Variants in INTS11 observed in about 807,000 individuals in gnomAD.
INTS11 encodes integrator complex subunit 11, also known as CPSF3-like protein.
Under a neutral mutation model 78.6 loss-of-function variants are expected in INTS11, and 77 were observed. The ratio of observed to expected loss-of-function variants is 0.98; its 90% CI spans 0.81 to 1.18. The LOEUF (loss-of-function observed/expected upper bound fraction) is 1.18. Among genes scored for constraint, INTS11 ranks in the 50% most tolerant of loss-of-function variants. The probability of loss-of-function intolerance (pLI) is 0.00; values close to 1 mark genes in which losing one functional copy is unlikely to be tolerated. For missense variants in INTS11, 875 were observed against 825.9 expected, an observed-to-expected ratio of 1.06 and a Z score of -0.73; for synonymous variants, 441 against 326.9, an observed-to-expected ratio of 1.35 and a Z score of -3.77.
chr1:1,314,922 T>G lies in INTS11; in HGVS notation c.604A>C (p.Thr202Pro). The G allele has an allele frequency of 6.2e-7, 1 of 1,612,990 alleles. No individual in the cohort carries two copies. The highest frequency in any genetic ancestry group is 2.2e-5 in the East Asian group (1 of 44,868). The change falls in exon 7 of 17, where the codon ACA (threonine) becomes CCA (proline). Residue 202 changes from threonine to proline, a missense_variant. Thr to Pro is a conservative substitution (Grantham distance 38, BLOSUM62 -1). Coordinates refer to ENST00000435064, the MANE Select transcript of INTS11 (RefSeq NM_017871.6). This position sits in a 1 kb window ranked among gnomAD's most constrained non-coding sequence, Gnocchi z 4.2. Reference protein sequence around the residue: ...IDKCRPNLLITESTYATTIRD... With the variant: ...IDKCRPNLLIPESTYATTIRD... ...ATGGTCGTGGCGTACGTGGACTCTG[T>G]GATGAGCAGGTTGGGGCGGCACTTG...
At chr1:1,323,214 GTC>G in intron 1 of INTS11, 1 of 1,550,344 alleles carries the variant, frequency 6.5e-7, no homozygotes. Flanking sequence ...CCGTCCTGGT[GTC>G]TGTGCTGGAA....
At chr1:1,321,639 C>T (rs1006117106) in intron 1 of INTS11, among the ~76,000 whole-genome samples, 1 of 152,232 alleles carries the variant, frequency 6.6e-6, no homozygotes, top group African/African-American at 2.4e-5. Context: ...GCCAGTGGTC[C>T]AGCAGTGGCC....
chr1:1,316,094 C>G, intron 4 of INTS11: 1 of 193,728 alleles, frequency 5.2e-6, no homozygotes. Context: ...CCAGCCTGGC[C>G]AACATGGTGA....
At chr1:1,323,034 G>A in intron 1 of INTS11, 1 of 1,414,728 alleles carries the variant, frequency 7.1e-7, no homozygotes, top group Non-Finnish European at 9.3e-7. Flanking sequence ...CAGGCTGGGA[G>A]GACCCCACGG....
chr1:1,321,898 T>TACCA, intron 1 of INTS11: 2 of 1,141,992 alleles, frequency 1.8e-6, no homozygotes, highest in Non-Finnish European at 2.3e-6. Context: ...TCCCCTTGAA[T>TACCA]CCCACCCACC....
At chr1:1,313,990 G>T in intron 8 of INTS11, 69 bp from the exon 9 acceptor site, 1 of 1,511,310 alleles carries the variant, frequency 6.6e-7, no homozygotes, top group Non-Finnish European at 9.1e-7. Context: ...ACTCGGCCGG[G>T]TCACCCCCAA....
At chr1:1,319,170 A>T in intron 4 of INTS11, 126 bp downstream of exon 4, 1 of 897,586 alleles carries the variant, frequency 1.1e-6, no homozygotes, top group Non-Finnish European at 1.9e-6. Flanking sequence ...TGCTGGACGC[A>T]AGAGTGAGGT....
In INTS11 at chr1:1,319,489, T is replaced by C; in HGVS notation, c.236A>G (p.Tyr79Cys). Residue 79 changes from tyrosine to cysteine, a missense_variant, in exon 4 of 17, where the codon TAC becomes TGC. Physicochemically the swap from Tyr to Cys is radical, Grantham distance 194. Transcript: ENST00000435064. Reference sequence around the variant, plus strand: ...GTCGTAGCCCACCATCTCGCTGAAGTAGGGGAGTGCCCCGCAGTGGTCCAG... The same window carrying C: ...GTCGTAGCCCACCATCTCGCTGAAGCAGGGGAGTGCCCCGCAGTGGTCCAG... The part of the protein sequence containing the change: ...FHLDHCGALP[Y>C]FSEMVGYDGP... 1.2e-6 allele frequency: 2 copies of C among 1,601,498 alleles called. No homozygotes were observed. Among genetic ancestry groups the C allele is most frequent in the East Asian group, 2.2e-5 (1 of 44,740 alleles).
At chr1:1,320,970 C>G (rs769604899) in intron 2 of INTS11, 26 bp downstream of exon 2, 1 of 1,596,938 alleles carries the variant, frequency 6.3e-7, no homozygotes, top group South Asian at 1.1e-5. Flanking sequence ...CTCCCAGCCT[C>G]TGGGCCTCCT....
chr1:1,311,682 A>T lies in INTS11; in HGVS notation c.*177T>A. ...ATAAAGGCAAGACAGCCTGGAGACC[A>T]GTTTGTTTCTTCAGCTGCAAACAGC... On this transcript the variant is annotated 3_prime_UTR_variant, in exon 17 of 17. Coordinates refer to ENST00000435064, the MANE Select transcript of INTS11 (RefSeq NM_017871.6). The T allele has an allele frequency of 1.4e-6, 1 of 727,710 alleles. No individual in the cohort carries two copies. Among genetic ancestry groups the T allele is most frequent in the South Asian group, 1.6e-5 (1 of 62,144 alleles). The allele number at this position is 727,710 out of a possible 1,614,324, so 45.1% of individuals were successfully genotyped here. A position where few individuals can be genotyped will look rare whatever the true frequency, so the allele number is the denominator to read the frequency against.
intron 1 of INTS11, chr1:1,322,936 G>A (rs1643048215): frequency 2.2e-6 from 3 of 1,351,458 alleles, no homozygotes; most frequent in Non-Finnish European, 1.9e-6. Flanking sequence ...ACAGATTGCG[G>A]GTAATTGAAG....
chr1:1,320,706 C>A, intron 2 of INTS11, 177 bp from the exon 3 acceptor site: 1 of 747,796 alleles, frequency 1.3e-6, no homozygotes, highest in Non-Finnish European at 2.4e-6. Context: ...CCGGAGGGGC[C>A]GAGGTTACCC....
intron 10 of INTS11, 109 bp from the exon 11 acceptor site, chr1:1,313,233 C>A: frequency 7.9e-7 from 1 of 1,269,346 alleles, no homozygotes; most frequent in South Asian, 1.3e-5. Flanking sequence ...CACCTGCCAG[C>A]GGCGCCCGAC....
intron 2 of INTS11, 93 bp from the exon 3 acceptor site, chr1:1,320,622 G>C: frequency 8.0e-7 from 1 of 1,250,008 alleles, no homozygotes; most frequent in Non-Finnish European, 1.2e-6. Context: ...CAGGAAGGGG[G>C]GTTCTATGTG....
At chr1:1,313,691 A>G (rs1642392288) in intron 9 of INTS11, 41 bp downstream of exon 9, 1 of 1,609,928 alleles carries the variant, frequency 6.2e-7, no homozygotes, top group East Asian at 2.2e-5. Context: ...CAGGAGACCG[A>G]CGGGTGTGGA....
At chr1:1,324,481 G>A in intron 1 of INTS11, 100 bp downstream of exon 1, 2 of 1,272,624 alleles carry the variant, frequency 1.6e-6, no homozygotes, top group Non-Finnish European at 2.2e-6. Context: ...CCCGCGGCGC[G>A]CACCTGGCTC....
chr1:1,312,210 G>GGGGCC lies in INTS11; in HGVS notation c.1607+11_1607+15dup. ...GGGCCCAAGGGAGTGGGGGGGGGGC[G>GGGGCC]GGGCCGGGCGCCCACCTCTTGAGGT... On this transcript the variant is annotated intron_variant, in intron 15 of 16. Coordinates refer to ENST00000435064, the MANE Select transcript of INTS11 (RefSeq NM_017871.6). The GGGGCC allele has an allele frequency of 1.1e-6, 1 of 912,984 alleles. No homozygotes were observed. The allele number at this position is 912,984 out of a possible 1,614,324, so 56.6% of individuals were successfully genotyped here.
At chr1:1,324,281 G>A (rs1014406251) in intron 1 of INTS11, among the ~76,000 whole-genome samples, 1 of 151,992 alleles carries the variant, frequency 6.6e-6, no homozygotes, top group African/African-American at 2.4e-5. Flanking sequence ...GCGCGGCACG[G>A]GGAGGTCAAG....
In INTS11 at chr1:1,314,283, C is replaced by T. The variant is rs373783102; in HGVS notation, c.767+18G>A. 17 of 1,581,072 alleles carry T rather than the reference C, an allele frequency of 1.1e-5. No individual in the cohort carries two copies. Among genetic ancestry groups the T allele is most frequent in the African/African-American group, 2.7e-5 (2 of 74,256 alleles). ...CCGGGCCAGGGGCTCCTTAAAGAGC[C>T]GTCCTGGCGGCACCTACCAGAAGGT... On this transcript the variant is annotated intron_variant, in intron 8 of 16. Transcript: ENST00000435064. The surrounding 1 kb of genome is among the most constrained non-coding windows in gnomAD (Gnocchi z 4.2).
Sources: allele counts gnomAD v4.1 joint callset (sites outside exome capture counted in the v4.1 genomes callset), GRCh38; gene constraint gnomAD v4.1.1; non-coding constraint Gnocchi (gnomAD v3.1); transcripts MANE v1.5; gene names NCBI Gene and HGNC (gene_info 2026-07-23, HGNC 2026-07-21).